The following TSPAN9 variants were observed in gnomAD, a reference collection of about 807,000 sequenced individuals.
TSPAN9 encodes the protein tetraspanin-9.
Under a neutral mutation model 31.0 loss-of-function variants are expected in TSPAN9, and 16 were observed. That is an observed-to-expected ratio of 0.52 (90% CI 0.35 to 0.78). TSPAN9 has a LOEUF of 0.78. TSPAN9 is among the 30% of genes least tolerant of loss of function. The probability of loss-of-function intolerance (pLI) is 0.01; values close to 1 mark genes in which losing one functional copy is unlikely to be tolerated. For missense variants in TSPAN9, 272 were observed against 312.5 expected, an observed-to-expected ratio of 0.87 and a Z score of 0.98; for synonymous variants, 145 against 121.6, an observed-to-expected ratio of 1.19 and a Z score of -1.27.
At chr12:3,197,676 G>A (rs958978109) in intron 2 of TSPAN9, among the ~76,000 whole-genome samples, 5 of 150,340 alleles carry the variant, frequency 3.3e-5, no homozygotes, top group African/African-American at 7.4e-5. Flanking sequence ...CACCAGCACA[G>A]GTCACCACCA....
At chr12:3,273,275 T>C (rs1177081364) in intron 3 of TSPAN9, 1 of 152,256 alleles carries the variant, frequency 6.6e-6, no homozygotes, top group Non-Finnish European at 1.5e-5. Flanking sequence ...TTCTCAAATT[T>C]GGATGTGGAT....
chr12:3,253,098 C>G (rs945436171), intron 3 of TSPAN9, among the ~76,000 whole-genome samples: 1 of 152,128 alleles, frequency 6.6e-6, no homozygotes, highest in African/African-American at 2.4e-5. Context: ...CTCAGAAGTG[C>G]TCCTGTGTCC....
At chr12:3,200,055 C>G (rs539550694) in intron 2 of TSPAN9, 2 of 152,808 alleles carry the variant, frequency 1.3e-5, no homozygotes, top group Non-Finnish European at 2.9e-5. Context: ...CATCCCCCTC[C>G]TTTCGCCGCC....
chr12:3,121,557 T>A (rs1374271608), intron 2 of TSPAN9, among the ~76,000 whole-genome samples: 2 of 121,778 alleles, frequency 1.6e-5, no homozygotes, highest in Non-Finnish European at 3.4e-5. Context: ...TTTTTTTTTT[T>A]TGTAGAGACA....
At chr12:3,259,160 A>T (rs904824205) in intron 3 of TSPAN9, among the ~76,000 whole-genome samples, 1 of 152,184 alleles carries the variant, frequency 6.6e-6, no homozygotes, top group Non-Finnish European at 1.5e-5. Flanking sequence ...AAGTTAAGTC[A>T]CTTTCCTGAG....
chr12:3,082,576 G>T (rs967365293), intron 1 of TSPAN9, among the ~76,000 whole-genome samples: 1 of 152,186 alleles, frequency 6.6e-6, no homozygotes, highest in African/African-American at 2.4e-5. Flanking sequence ...TGGGCTTAAG[G>T]AGGGTGAATC....
chr12:3,199,786 G>C (rs2098370175), intron 2 of TSPAN9, among the ~76,000 whole-genome samples: 5 of 152,164 alleles, frequency 3.3e-5, no homozygotes, highest in Admixed American at 2.0e-4. Context: ...GGCCCCCGGC[G>C]CTTTCCGATA....
chr12:3,137,210 C>T (rs1318093956), intron 2 of TSPAN9, among the ~76,000 whole-genome samples: 1 of 152,234 alleles, frequency 6.6e-6, no homozygotes, highest in Non-Finnish European at 1.5e-5. Flanking sequence ...CTTCCGCCCC[C>T]ATCCCACCCT....
At chr12:3,185,977 C>T (rs1188367640) in intron 2 of TSPAN9, among the ~76,000 whole-genome samples, 1 of 150,194 alleles carries the variant, frequency 6.7e-6, no homozygotes, top group Non-Finnish European at 1.5e-5. Context: ...TTGGCCTTAG[C>T]TCCGGCCCTC....
chr12:3,196,487 T>C (rs2098367152), intron 2 of TSPAN9, among the ~76,000 whole-genome samples: 2 of 152,144 alleles, frequency 1.3e-5, no homozygotes, highest in African/African-American at 4.8e-5. Context: ...GTGAAATCAG[T>C]TTTCTTTTCT....
chr12:3,176,687 G>A (rs780950837), intron 2 of TSPAN9, among the ~76,000 whole-genome samples: 1 of 152,170 alleles, frequency 6.6e-6, no homozygotes, highest in East Asian at 1.9e-4. Flanking sequence ...CTGGGCCCTC[G>A]TCTCAGCGAA....
rs1226231378 is a variant in TSPAN9 at position 3,081,842 on chromosome 12, G to GTATATATATATATATA, written c.-84-1810_-84-1809insATATATATATATATAT. Among the ~76,000 whole-genome samples, 332 of 56,362 alleles carry GTATATATATATATATA rather than the reference G, an allele frequency of 5.9e-3. 1 individual carries two copies. In the East Asian group the frequency reaches 0.089, roughly 15 times the overall value. 37.0% of individuals were successfully genotyped at this position (56,362 alleles called of 152,430 possible). On this transcript the variant is annotated intron_variant, in intron 1 of 8. Coordinates refer to ENST00000011898, the MANE Select transcript of TSPAN9 (RefSeq NM_006675.5). ...TGTGTGTGTGTGTGTGTGTCTGTGTGTGTATATATATGCCAGGTGTGGTGG... is the reference window on the plus strand; with the variant it reads ...TGTGTGTGTGTGTGTGTGTCTGTGTGTATATATATATATATATGTATATATATGCCAGGTGTGGTGG...
chr12:3,115,226 G>A (rs1185250044), intron 2 of TSPAN9, among the ~76,000 whole-genome samples: 1 of 152,152 alleles, frequency 6.6e-6, no homozygotes, highest in Non-Finnish European at 1.5e-5. Flanking sequence ...GGTTTTCAGG[G>A]TTCATCTGTG....
chr12:3,139,392 C>G (rs1297307716), intron 2 of TSPAN9, among the ~76,000 whole-genome samples: 1 of 152,134 alleles, frequency 6.6e-6, no homozygotes, highest in East Asian at 1.9e-4. Flanking sequence ...CTGCCAGTGG[C>G]CAGCCTTCCC....
At chr12:3,198,788 C>CT (rs2098369273) in intron 2 of TSPAN9, among the ~76,000 whole-genome samples, 2 of 68,624 alleles carry the variant, frequency 2.9e-5, no homozygotes, top group Admixed American at 1.7e-4. Flanking sequence ...CCAGCACAGG[C>CT]CACCACCAGC....
chr12:3,144,895 T>C (rs2098336452), intron 2 of TSPAN9, among the ~76,000 whole-genome samples: 2 of 152,262 alleles, frequency 1.3e-5, no homozygotes, highest in Admixed American at 1.3e-4. Context: ...TAGCTGCTGA[T>C]GATATTTGTC....
chr12:3,218,974 A>T (rs528769076), intron 3 of TSPAN9, among the ~76,000 whole-genome samples: 1 of 152,274 alleles, frequency 6.6e-6, no homozygotes, highest in Non-Finnish European at 1.5e-5. Flanking sequence ...AGGGCCACTC[A>T]GGCAGCCAGC....
chr12:3,221,450 C>T (rs1390628327), intron 3 of TSPAN9, among the ~76,000 whole-genome samples: 5 of 151,574 alleles, frequency 3.3e-5, no homozygotes, highest in South Asian at 4.2e-4. Context: ...TCTCTGCCCC[C>T]CAGGTTCAAG....
At position 3,254,936 on chromosome 12, in the gene TSPAN9, T is replaced by G. The variant is rs146785897; in HGVS notation, c.64-23485T>G. 4.6e-5 allele frequency among the ~76,000 whole-genome samples: 7 copies of G among 152,316 alleles called. No individual in the cohort carries two copies. In the East Asian group the frequency reaches 1.4e-3, roughly 30 times the overall value. On this transcript the variant is annotated intron_variant, in intron 3 of 8. Coordinates refer to ENST00000011898, the MANE Select transcript of TSPAN9 (RefSeq NM_006675.5). Reference sequence around the variant, plus strand: ...TCATGCACACATGTGTGTTGACTGTTGAGTGACTTGTATTTGTCGGTTTCC... The same window carrying G: ...TCATGCACACATGTGTGTTGACTGTGGAGTGACTTGTATTTGTCGGTTTCC...
Sources: allele counts gnomAD v4.1 joint callset (sites outside exome capture counted in the v4.1 genomes callset), GRCh38; gene constraint gnomAD v4.1.1; transcripts MANE v1.5; gene names NCBI Gene and HGNC (gene_info 2026-07-23, HGNC 2026-07-21).